Variants in SREBF1 observed in about 807,000 individuals in gnomAD.
SREBF1 encodes sterol regulatory element binding transcription factor 1.
SREBF1 carries 45 observed loss-of-function variants against 100.1 expected under a neutral mutation model. That is an observed-to-expected ratio of 0.45 (90% confidence interval 0.35 to 0.58). The LOEUF is 0.58. SREBF1 is among the 20% of genes least tolerant of loss of function. The pLI is 0.00. For synonymous variants in SREBF1, 657 were observed against 681.8 expected (o/e 0.96, Z 0.57); for missense variants, 1,324 against 1,539.4 (o/e 0.86, Z 2.34).
intron 1 of SREBF1, among the ~76,000 whole-genome samples, chr17:17,822,865 AG>A (rs1170981383): frequency 6.6e-6 from 1 of 152,234 alleles, no homozygotes; most frequent in African/African-American, 2.4e-5. Flanking sequence ...AAGCTACTGC[AG>A]GAGGGGAATT....
chr17:17,813,407 G>C lies in SREBF1; in HGVS notation c.3175C>G (p.Arg1059Gly), dbSNP rs748730943. Reference protein sequence around the residue: ...SPTRTHQLLDRSLRRRAGPGG... With the variant: ...SPTRTHQLLDGSLRRRAGPGG... ...GGGCCTGCCCGCCGCCTCAGACTGC[G>C]GTCGAGGAGCTGGTGTGTCCGTGTG... The change falls in exon 18 of 19, where the codon CGC becomes GGC. Residue 1059 changes from arginine (R) to glycine (G), a missense_variant. Arg to Gly is a moderately radical substitution (Grantham distance 125). Coordinates refer to ENST00000261646, the MANE Select transcript of SREBF1 (RefSeq NM_004176.5). 1 of 1,602,610 alleles carries C rather than the reference G, an allele frequency of 6.2e-7. No individual in the cohort carries two copies. The highest frequency in any genetic ancestry group is 8.5e-7 in the Non-Finnish European group (1 of 1,175,890).
intron 2 of SREBF1, 178 bp downstream of exon 2, chr17:17,819,912 C>T (rs1458722595): frequency 6.1e-6 from 7 of 1,154,692 alleles, no homozygotes; most frequent in Admixed American, 2.8e-5. Flanking sequence ...TGCGAGGTTG[C>T]GCCTACCCCG....
At chr17:17,815,488 G>A (rs565016555) in intron 12 of SREBF1, 159 bp from the exon 13 acceptor site, 1 of 633,980 alleles carries the variant, frequency 1.6e-6, no homozygotes, top group South Asian at 1.9e-5. Flanking sequence ...GGGAAAGCGG[G>A]TGGACATAAC....
Position 17,818,362 on chromosome 17 carries a change from C to A in SREBF1, c.1081G>T (p.Ala361Ser). The change falls in exon 6 of 19, where the codon GCT (alanine) becomes TCT (serine). Residue 361 changes from alanine (A) to serine (S), a missense_variant. Ala to Ser is a moderately conservative substitution (Grantham distance 99, BLOSUM62 1). Transcript: ENST00000261646. ...VGTEAKLNKS[A>S]VLRKAIDYIR... ...TAGTCGATGGCCTTGCGCAAGACAG[C>A]AGATTTATTCAGCTGCACGGTGTGG... is the stretch of plus-strand genomic sequence containing the variant. The A allele has an allele frequency of 6.2e-7, 1 of 1,613,142 alleles. No homozygotes were observed.
At position 17,812,403 on chromosome 17, in the gene SREBF1, T is replaced by C; in HGVS notation, c.*219A>G. 1 of 617,668 alleles carries C rather than the reference T, an allele frequency of 1.6e-6. No homozygotes were observed. Among genetic ancestry groups the C allele is most frequent in the Non-Finnish European group, 2.8e-6 (1 of 357,872 alleles). The allele number at this position is 617,668 out of a possible 1,614,324, so 38.3% of individuals were successfully genotyped here. On this transcript the variant is annotated 3_prime_UTR_variant, in exon 19 of 19. Coordinates refer to ENST00000261646, the MANE Select transcript of SREBF1 (RefSeq NM_004176.5). ...TGGCTCGGCCCCTGCAGTGCCCCGA[T>C]CGGCCACCAGAGGTCAGCACCATCA...
chr17:17,816,438 G>A lies in SREBF1; in HGVS notation c.2047+19C>T, dbSNP rs746519163. ...GGCAGCAGGGAGCACCTCGGAGCCC[G>A]CCCCACGCTCAGTCCTACCCATGGT... On this transcript the variant is annotated intron_variant, in intron 10 of 18. Transcript: ENST00000261646. 2.4e-5 allele frequency: 39 copies of A among 1,603,832 alleles called. No individual in the cohort carries two copies. In the African/African-American group the frequency reaches 2.7e-4, roughly 11 times the overall value.
At chr17:17,818,910 G>T in intron 5 of SREBF1, 103 bp downstream of exon 5, 1 of 1,366,590 alleles carries the variant, frequency 7.3e-7, no homozygotes, top group Non-Finnish European at 1.0e-6. Flanking sequence ...CCAATTCCCT[G>T]CTTGTCCAGG....
chr17:17,814,250 C>T lies in SREBF1; in HGVS notation c.2896G>A (p.Asp966Asn). 6.2e-7 allele frequency: 1 copy of T among 1,605,672 alleles called. No individual in the cohort carries two copies. Among genetic ancestry groups the T allele is most frequent in the South Asian group, 1.1e-5 (1 of 89,484 alleles). ...LATTPASSSI[D>N]KAVQLFLCDL... Reference sequence around the variant, plus strand: ...CCCCTGACCCCACCCCTCACCTTGTCAATGGAGCTGCTGGCTGGTGTGGTA... The same window carrying T: ...CCCCTGACCCCACCCCTCACCTTGTTAATGGAGCTGCTGGCTGGTGTGGTA... Residue 966 changes from aspartate (D) to asparagine (N), a missense_variant, in exon 16 of 19, where the codon GAC (aspartate) becomes AAC (asparagine). Physicochemically the swap from Asp to Asn is conservative, Grantham distance 23. Transcript: ENST00000261646.
In SREBF1 at chr17:17,817,364, A is replaced by G. The variant is rs763110206; in HGVS notation, c.1498T>C (p.Cys500Arg). Reference protein sequence around the residue: ...LCTLVFLCLSCNPLASLLGAR... With the variant: ...LCTLVFLCLSRNPLASLLGAR... ...CCCAGCAAGGAGGCCAAGGGGTTGC[A>G]GGACAGGCAGAGGAAGACGAGCGTG... The change falls in exon 8 of 19, where the codon TGC (cysteine) becomes CGC (arginine). Residue 500 changes from cysteine (C) to arginine (R), a missense_variant. Coordinates refer to ENST00000261646, the MANE Select transcript of SREBF1 (RefSeq NM_004176.5). The surrounding 1 kb of genome is among the most constrained non-coding windows in gnomAD (Gnocchi z 6.6). The G allele has an allele frequency of 1.2e-6, 2 of 1,607,940 alleles. No homozygotes were observed. Among genetic ancestry groups the G allele is most frequent in the Non-Finnish European group, 1.7e-6 (2 of 1,178,074 alleles).
chr17:17,833,450 A>AAAAAAAAAAAAT (rs1567995797), intron 1 of SREBF1, among the ~76,000 whole-genome samples: 1 of 47,518 alleles, frequency 2.1e-5, no homozygotes, highest in African/African-American at 9.3e-5. Flanking sequence ...AAAAAAAAAA[A>AAAAAAAAAAAAT]ATATATATAT....
chr17:17,811,412 A>AC lies in SREBF1; in HGVS notation c.*1209_*1210insG, dbSNP rs1201138647. The AC allele has an allele frequency of 4.3e-6, 1 of 230,990 alleles. No homozygotes were observed. The highest frequency in any genetic ancestry group is 8.7e-6 in the Non-Finnish European group (1 of 114,954). The allele number at this position is 230,990 out of a possible 1,614,324, so 14.3% of individuals were successfully genotyped here. A position where few individuals can be genotyped will look rare whatever the true frequency, so the allele number is the denominator to read the frequency against. ...ACAGTCATTGCATTCAGAAAAAAAA[A>AC]AAAAAAAAAGTCAATAAAGATACAA... On this transcript the variant is annotated 3_prime_UTR_variant, in exon 19 of 19. Coordinates refer to ENST00000261646, the MANE Select transcript of SREBF1 (RefSeq NM_004176.5).
Position 17,820,145 on chromosome 17 carries a change from C to T in SREBF1, c.468G>A (p.Gln156=), listed in dbSNP as rs749748482. 3 of 1,613,112 alleles carry T rather than the reference C, an allele frequency of 1.9e-6. No individual in the cohort carries two copies. Among genetic ancestry groups the T allele is most frequent in the Non-Finnish European group, 2.5e-6 (3 of 1,179,714 alleles). ...PQSFPAPAPP[Q]FSSTPVLGYP... is the part of the protein sequence containing the mutation. ...AGCCTAACACAGGGGTGGAGCTGAA[C>T]TGCGGTGGGGCTGGGGCTGGGAAGC... Residue 156 remains glutamine, a synonymous_variant, in exon 2 of 19, where the codon CAG becomes CAA. Coordinates refer to ENST00000261646, the MANE Select transcript of SREBF1 (RefSeq NM_004176.5).
At chr17:17,823,236 A>G (rs1252031755) in intron 1 of SREBF1, among the ~76,000 whole-genome samples, 1 of 152,156 alleles carries the variant, frequency 6.6e-6, no homozygotes, top group African/African-American at 2.4e-5. Flanking sequence ...GCGGGTGCAG[A>G]GAATGTAGAG....
At chr17:17,830,907 C>T (rs1318981277) in intron 1 of SREBF1, among the ~76,000 whole-genome samples, 1 of 152,256 alleles carries the variant, frequency 6.6e-6, no homozygotes, top group African/African-American at 2.4e-5. Flanking sequence ...TGGCCCGTGG[C>T]TGCTAGGAGA....
chr17:17,819,543 C>A lies in SREBF1; in HGVS notation c.706G>T (p.Val236Phe). 1 of 1,613,714 alleles carries A rather than the reference C, an allele frequency of 6.2e-7. No individual in the cohort carries two copies. Among genetic ancestry groups the A allele is most frequent in the African/African-American group, 1.3e-5 (1 of 75,034 alleles). Residue 236 changes from valine (V) to phenylalanine (F), a missense_variant, in exon 3 of 19, where the codon GTC (valine) becomes TTC (phenylalanine). Transcript: ENST00000261646. ...CCCTGGCCAGACCCCCTCACCGGGA[C>A]CTGCTGGATCTGCGAGGTCACAGTG... Reference protein sequence around the residue: ...TTTVTSQIQQVPVLLQPHFIK... With the variant: ...TTTVTSQIQQFPVLLQPHFIK...
intron 6 of SREBF1, 161 bp from the exon 7 acceptor site, chr17:17,818,077 T>C: frequency 1.1e-6 from 1 of 890,562 alleles, no homozygotes; most frequent in Non-Finnish European, 1.8e-6. Context: ...CCAGGTCTCT[T>C]TCAGGACCAG....
chr17:17,828,804 C>G (rs140670394), intron 1 of SREBF1, among the ~76,000 whole-genome samples: 1 of 152,138 alleles, frequency 6.6e-6, no homozygotes, highest in Non-Finnish European at 1.5e-5. Flanking sequence ...GTCTCCATTA[C>G]TCTGGAGGCT....
At chr17:17,818,885 TG>T in intron 5 of SREBF1, 127 bp downstream of exon 5, 1 of 1,120,510 alleles carries the variant, frequency 8.9e-7, no homozygotes, top group Non-Finnish European at 1.3e-6. Context: ...TGGCCAGGCC[TG>T]GGGAGGCTGA....
intron 1 of SREBF1, chr17:17,823,406 A>G: frequency 1.2e-6 from 1 of 850,970 alleles, no homozygotes; most frequent in Middle Eastern, 2.6e-4. Flanking sequence ...TCCCTCGGGA[A>G]GGGGCTCTTT....
Sources: gnomAD v4.1 joint callset for allele counts (sites outside exome capture counted in the v4.1 genomes callset) on GRCh38, gnomAD v4.1.1 for gene constraint, Gnocchi (gnomAD v3.1) non-coding constraint, MANE v1.5 for transcripts, NCBI Gene and HGNC (gene_info 2026-07-23, HGNC 2026-07-21) for gene names.